Variants in ZNF618 observed in about 807,000 individuals in gnomAD.
ZNF618 encodes the protein zinc finger protein 618.
ZNF618 carries 34 observed loss-of-function variants against 103.0 expected under a neutral mutation model. That is an observed-to-expected ratio of 0.33 (90% CI 0.25 to 0.44). The LOEUF (loss-of-function observed/expected upper bound fraction) is 0.44. ZNF618 is among the 20% of genes least tolerant of loss of function. The pLI is 1.00. For missense variants in ZNF618, 1,059 were observed against 1,295.4 expected, an observed-to-expected ratio of 0.82 and a Z score of 2.80; for synonymous variants, 551 against 542.2, an observed-to-expected ratio of 1.02 and a Z score of -0.23.
intron 1 of ZNF618, among the ~76,000 whole-genome samples, chr9:113,878,593 G>A (rs1587903728): frequency 1.3e-5 from 2 of 152,296 alleles, no homozygotes; most frequent in Admixed American, 6.5e-5. Flanking sequence ...TGATAAATTA[G>A]TATCTAATTG....
chr9:114,016,279 G>T (rs920467064), intron 9 of ZNF618: 13 of 948,228 alleles, frequency 1.4e-5, no homozygotes, highest in Admixed American at 8.5e-5. Context: ...GGGACCCCGG[G>T]TGTGGCCACT....
intron 1 of ZNF618, among the ~76,000 whole-genome samples, chr9:113,926,486 C>A (rs575078678): frequency 6.6e-6 from 1 of 152,092 alleles, no homozygotes; most frequent in Non-Finnish European, 1.5e-5. Context: ...TCTTTTCTTT[C>A]TGGTATTACC....
intron 3 of ZNF618, among the ~76,000 whole-genome samples, chr9:113,992,415 A>T (rs1051925308): frequency 6.6e-6 from 1 of 152,128 alleles, no homozygotes; most frequent in African/African-American, 2.4e-5. Flanking sequence ...TGAAGGAGGG[A>T]AAGCTCTCCC....
chr9:114,039,826 T>A (rs1025780968), intron 13 of ZNF618, among the ~76,000 whole-genome samples: 3 of 152,180 alleles, frequency 2.0e-5, no homozygotes, highest in Non-Finnish European at 4.4e-5. Context: ...AGCAGATGCC[T>A]CTTTTTCCAT....
intron 2 of ZNF618, among the ~76,000 whole-genome samples, chr9:113,976,947 C>T (rs1838527568): frequency 6.6e-6 from 1 of 152,180 alleles, no homozygotes; most frequent in Non-Finnish European, 1.5e-5. Flanking sequence ...TAGCAACGAT[C>T]CCTGCATCTG....
rs772328242 is a variant in ZNF618, at chr9:114,048,945, G to T, written c.1643G>T (p.Gly548Val). 6.2e-7 allele frequency: 1 copy of T among 1,609,314 alleles called. No individual in the cohort carries two copies. Among genetic ancestry groups the T allele is most frequent in the South Asian group, 1.1e-5 (1 of 90,446 alleles). Residue 548 changes from glycine (G) to valine (V), a missense_variant, in exon 15 of 15, where the codon GGC becomes GTC. Physicochemically the swap from Gly to Val is moderately radical, Grantham distance 109. Transcript: ENST00000374126. The part of the protein sequence containing the change: ...TCALGSNACL[G>V]IGVTCHSQSV... ...GCCTTGGGCAGCAATGCCTGCCTAG[G>T]CATCGGTGTCACCTGCCACTCCCAG...
At chr9:113,953,533 A>T (rs1418808426) in intron 1 of ZNF618, among the ~76,000 whole-genome samples, 1 of 152,186 alleles carries the variant, frequency 6.6e-6, no homozygotes, top group African/African-American at 2.4e-5. Flanking sequence ...ACTTTATGTA[A>T]AGTTATATAT....
rs775093703 is a variant in ZNF618 at position 114,036,270 on chromosome 9, C to G, written c.1169-30C>G. The G allele has an allele frequency of 2.6e-6, 4 of 1,554,744 alleles. No individual in the cohort carries two copies. The Admixed American group carries it at 7.8e-5, about 30-fold the overall frequency. On this transcript the variant is annotated intron_variant, in intron 12 of 14. Transcript: ENST00000374126. ...GAAGGTGTCTGCGTCGGTTCCACCC[C>G]TCACGTGGCTGCCGCATTTCTCCCT... is the stretch of plus-strand genomic sequence containing the variant.
At chr9:113,887,327 CT>C (rs1829169771) in intron 1 of ZNF618, among the ~76,000 whole-genome samples, 1 of 152,218 alleles carries the variant, frequency 6.6e-6, no homozygotes, top group South Asian at 2.1e-4. Context: ...TTGTTTCCCA[CT>C]CTGCTTATCC....
rs190584554 is a variant in ZNF618, at chr9:114,050,937, C to T, written c.*770C>T. 3.3e-5 allele frequency: 5 copies of T among 152,736 alleles called. No homozygotes were observed. The highest frequency in any genetic ancestry group is 1.2e-4 in the African/African-American group (5 of 41,560). The allele number at this position is 152,736 out of a possible 1,614,324, so 9.5% of individuals were successfully genotyped here. A position where few individuals can be genotyped will look rare whatever the true frequency, so the allele number is the denominator to read the frequency against. Reference sequence around the variant, plus strand: ...CTTAGAAACACACCTATCTATCTCCCCAAATCAGGAAAGGAGACTTAAAGA... The same window carrying T: ...CTTAGAAACACACCTATCTATCTCCTCAAATCAGGAAAGGAGACTTAAAGA... On this transcript the variant is annotated 3_prime_UTR_variant, in exon 15 of 15. Coordinates refer to ENST00000374126, the MANE Select transcript of ZNF618 (RefSeq NM_001318042.2).
chr9:114,009,985 C>T (rs1368596931), intron 9 of ZNF618, among the ~76,000 whole-genome samples: 4 of 152,198 alleles, frequency 2.6e-5, no homozygotes, highest in African/African-American at 4.8e-5. Context: ...AGTAAACACT[C>T]GATAAGCAGG....
chr9:113,989,207 G>A (rs977969566), intron 3 of ZNF618, among the ~76,000 whole-genome samples: 3 of 152,226 alleles, frequency 2.0e-5, no homozygotes, highest in Admixed American at 1.3e-4. Context: ...CATAAATAGA[G>A]ATGAGCCAAC....
intron 1 of ZNF618, among the ~76,000 whole-genome samples, chr9:113,935,649 C>T (rs1833961938): frequency 6.6e-6 from 1 of 152,204 alleles, no homozygotes. Context: ...AGCCTCCTTA[C>T]CTCTACTCTT....
chr9:113,945,236 G>C (rs1458187146), intron 1 of ZNF618, among the ~76,000 whole-genome samples: 1 of 152,018 alleles, frequency 6.6e-6, no homozygotes, highest in African/African-American at 2.4e-5. Context: ...CTCTTTGCTT[G>C]GTTTAAGCCA....
intron 1 of ZNF618, among the ~76,000 whole-genome samples, chr9:113,913,852 T>G (rs1831803802): frequency 6.6e-6 from 1 of 152,158 alleles, no homozygotes; most frequent in Non-Finnish European, 1.5e-5. Context: ...CTTGTTGCCC[T>G]TACTTCTGAA....
In ZNF618 at chr9:114,049,615, C is replaced by G; in HGVS notation, c.2313C>G (p.Phe771Leu). 6.2e-7 allele frequency: 1 copy of G among 1,613,852 alleles called. No individual in the cohort carries two copies. Among genetic ancestry groups the G allele is most frequent in the Non-Finnish European group, 8.5e-7 (1 of 1,179,912 alleles). ...CCTACGTCAGGCTGGAGAAGCTGTT[C>G]ACGGCCAAGGCCAACGACGCAGGCA... Reference protein sequence around the residue: ...LPTYVRLEKLFTAKANDAGTV... With the variant: ...LPTYVRLEKLLTAKANDAGTV... The change falls in exon 15 of 15, where the codon TTC (phenylalanine) becomes TTG (leucine). Residue 771 changes from phenylalanine to leucine, a missense_variant. Around this residue, in one of 6 missense-constraint regions of ZNF618, gnomAD observed 272 missense variants for 380.1 expected, o/e 0.72. Coordinates refer to ENST00000374126, the MANE Select transcript of ZNF618 (RefSeq NM_001318042.2).
chr9:113,956,935 C>T (rs1027032043), intron 1 of ZNF618, among the ~76,000 whole-genome samples: 1 of 152,156 alleles, frequency 6.6e-6, no homozygotes, highest in African/African-American at 2.4e-5. Flanking sequence ...GTATTATGAA[C>T]TGATTTGGTC....
Position 113,876,401 on chromosome 9 carries a change from G to T in ZNF618, c.21G>T (p.Ala7=), listed in dbSNP as rs1245874680. 13 of 1,201,198 alleles carry T rather than the reference G, an allele frequency of 1.1e-5. No individual in the cohort carries two copies. The highest frequency in any genetic ancestry group is 1.0e-5 in the Non-Finnish European group (10 of 968,396). The allele number at this position is 1,201,198 out of a possible 1,614,324, so 74.4% of individuals were successfully genotyped here. Residue 7 remains alanine (A), a synonymous_variant, in exon 1 of 15, where the codon GCG becomes GCT. Coordinates refer to ENST00000374126, the MANE Select transcript of ZNF618 (RefSeq NM_001318042.2). MNQPGG[A]AAPQADGASA... ...GACCCATGAACCAGCCGGGCGGCGC[G>T]GCGGCTCCGCAGGTACGACGGGGGG...
intron 1 of ZNF618, among the ~76,000 whole-genome samples, chr9:113,904,387 A>G (rs1187454318): frequency 2.6e-5 from 4 of 151,940 alleles, no homozygotes; most frequent in Non-Finnish European, 5.9e-5. Flanking sequence ...AGTCTATCAT[A>G]TGTCATTTTT....
Sources: gnomAD v4.1 joint callset for allele counts (sites outside exome capture counted in the v4.1 genomes callset) on GRCh38, gnomAD v4.1.1 for gene constraint, gnomAD v4.1.1 regional missense constraint, MANE v1.5 for transcripts, NCBI Gene and HGNC (gene_info 2026-07-23, HGNC 2026-07-21) for gene names.